GARS1: variants seen among roughly 807,000 people sequenced by gnomAD.
The protein encoded by GARS1 is glycine--tRNA ligase.
In GARS1, 46 loss-of-function variants were observed where a neutral mutation model predicts 86.4. That is an observed-to-expected ratio of 0.53 (90% CI 0.42 to 0.68). The LOEUF (loss-of-function observed/expected upper bound fraction) is 0.68, where lower values mean the gene tolerates loss of function less well. Among genes scored for constraint, GARS1 ranks in the 30% least tolerant of loss-of-function variants. The probability of loss-of-function intolerance (pLI) is 0.00; values close to 1 mark genes in which losing one functional copy is unlikely to be tolerated. For synonymous variants in GARS1, 342 were observed against 329.8 expected (o/e 1.04, Z -0.40); for missense variants, 797 against 915.6 (o/e 0.87, Z 1.67).
intron 12 of GARS1, among the ~76,000 whole-genome samples, chr7:30,625,082 A>T (rs1783100039): frequency 1.3e-5 from 2 of 152,128 alleles, no homozygotes; most frequent in Non-Finnish European, 2.9e-5. Flanking sequence ...AGCTGGGACT[A>T]CAGGTGTGCA....
intron 5 of GARS1, 30 bp downstream of exon 5, chr7:30,603,152 T>A (rs1791414623): frequency 1.3e-6 from 2 of 1,546,250 alleles, no homozygotes; most frequent in Non-Finnish European, 1.8e-6. Flanking sequence ...TCAGGTAGGA[T>A]TGATCAAAAT....
intron 14 of GARS1, among the ~76,000 whole-genome samples, chr7:30,629,395 C>T (rs1040667616): frequency 6.6e-6 from 1 of 152,140 alleles, no homozygotes; most frequent in South Asian, 2.1e-4. Context: ...TCCTCTTTAT[C>T]TCCTTGCCTT....
At chr7:30,619,881 G>A (rs756959200) in intron 10 of GARS1, among the ~76,000 whole-genome samples, 8 of 150,024 alleles carry the variant, frequency 5.3e-5, no homozygotes, top group East Asian at 2.0e-4. Flanking sequence ...GGGTTCAAGC[G>A]ATTCTCCTGC....
chr7:30,623,567 A>G (rs1783063068), intron 12 of GARS1, among the ~76,000 whole-genome samples: 1 of 152,216 alleles, frequency 6.6e-6, no homozygotes, highest in Admixed American at 6.5e-5. Context: ...CATAGAAAAA[A>G]ATGAGACTGG....
chr7:30,595,551 AC>A (rs1298369327), intron 1 of GARS1, among the ~76,000 whole-genome samples: 2 of 152,086 alleles, frequency 1.3e-5, no homozygotes, highest in African/African-American at 4.8e-5. Context: ...CTCTTTGTGC[AC>A]CCTGGGTGGA....
At position 30,609,597 on chromosome 7, in the gene GARS1, G is replaced by A; in HGVS notation, c.748G>A (p.Gly250Arg). 6.2e-7 allele frequency: 1 copy of A among 1,612,712 alleles called. No individual in the cohort carries two copies. The highest frequency in any genetic ancestry group is 8.5e-7 in the Non-Finnish European group (1 of 1,179,060). ...ESVLAQLDNY[G>R]QQELADLFVN... ...ATATGTCTTTTAGCTTGATAACTAT[G>A]GACAGCAAGAACTTGCGGATCTTTT... is the stretch of plus-strand genomic sequence containing the variant. Residue 250 changes from glycine to arginine, a missense_variant, in exon 7 of 17, where the codon GGA (glycine) becomes AGA (arginine). Around this residue, in one of 2 missense-constraint regions of GARS1, gnomAD observed 598 missense variants for 738.7 expected, o/e 0.81. Coordinates refer to ENST00000389266, the MANE Select transcript of GARS1 (RefSeq NM_002047.4).
At chr7:30,597,597 T>G (rs527563283) in intron 1 of GARS1, among the ~76,000 whole-genome samples, 54 of 152,176 alleles carry the variant, frequency 3.5e-4, no homozygotes, top group Non-Finnish European at 6.6e-4. Flanking sequence ...TAAAAACCCA[T>G]GAGGAAACAA....
chr7:30,598,767 C>T, intron 1 of GARS1, 29 bp from the exon 2 acceptor site: 1 of 1,559,478 alleles, frequency 6.4e-7, no homozygotes, highest in Non-Finnish European at 8.8e-7. Context: ...TGAAACCAAT[C>T]CTGAATATAA....
rs1415948102 is a variant in GARS1 at position 30,595,130 on chromosome 7, C to T, written c.209C>T (p.Ala70Val). 6.5e-7 allele frequency: 1 copy of T among 1,538,226 alleles called. No homozygotes were observed. Among genetic ancestry groups the T allele is most frequent in the South Asian group, 1.2e-5 (1 of 84,184 alleles). The stretch of plus-strand genomic sequence containing the variant: ...GAGGTGCTGGCACCTCTGAGGCTAG[C>T]AGTGCGCCAGCAGGTACCGGTGTTT... ...AEEVLAPLRL[A>V]VRQQGDLVRK... is the part of the protein sequence containing the mutation. The change falls in exon 1 of 17, where the codon GCA (alanine) becomes GTA (valine). Residue 70 changes from alanine to valine, a missense_variant. Ala to Val is a moderately conservative substitution (Grantham distance 64). This residue lies in a region of GARS1 where 199 missense variants were observed against 176.9 expected (regional missense o/e 1.12). Transcript: ENST00000389266.
At chr7:30,625,588 A>G (rs1783113460) in intron 12 of GARS1, among the ~76,000 whole-genome samples, 1 of 152,226 alleles carries the variant, frequency 6.6e-6, no homozygotes, top group Admixed American at 6.5e-5. Context: ...AAATACAGGT[A>G]TTACATGAAG....
chr7:30,618,587 T>C (rs1318152138), intron 10 of GARS1, among the ~76,000 whole-genome samples: 1 of 152,140 alleles, frequency 6.6e-6, no homozygotes, highest in African/African-American at 2.4e-5. Flanking sequence ...TGAGCCATGA[T>C]TGCACCACTG....
At chr7:30,609,816 GA>G in intron 7 of GARS1, 86 bp downstream of exon 7, 2 of 1,333,766 alleles carry the variant, frequency 1.5e-6, no homozygotes, top group Non-Finnish European at 2.1e-6. Flanking sequence ...TGTTATGAAG[GA>G]AAAATTTTTA....
chr7:30,609,497 A>G lies in GARS1; in HGVS notation c.736-88A>G, dbSNP rs913094165. 146 of 1,072,144 alleles carry G rather than the reference A, an allele frequency of 1.4e-4. 1 individual carries two copies. The Admixed American group carries it at 2.5e-3, about 18-fold the overall frequency. The allele number at this position is 1,072,144 out of a possible 1,614,324, so 66.4% of individuals were successfully genotyped here. A position where few individuals can be genotyped will look rare whatever the true frequency, so the allele number is the denominator to read the frequency against. On this transcript the variant is annotated intron_variant, in intron 6 of 16. Coordinates refer to ENST00000389266, the MANE Select transcript of GARS1 (RefSeq NM_002047.4). ...TTCCTGAATTTTGTGTGATTGTAGC[A>G]GTGGATGGCTAGGGTTATATATAAT...
chr7:30,631,495 C>A lies in GARS1; in HGVS notation c.1857C>A (p.Leu619=). ...AVVAPFKCSV[L]PLSQNQEFMP... ...TTGCTCCATTCAAATGTTCCGTCCT[C>A]CCACTGAGCCAAAACCAGGAGTTCA... The change falls in exon 15 of 17, where the codon CTC becomes CTA. Residue 619 remains leucine, a synonymous_variant. Coordinates refer to ENST00000389266, the MANE Select transcript of GARS1 (RefSeq NM_002047.4). 6.2e-7 allele frequency: 1 copy of A among 1,613,782 alleles called. No homozygotes were observed. The highest frequency in any genetic ancestry group is 8.5e-7 in the Non-Finnish European group (1 of 1,179,794).
intron 1 of GARS1, 35 bp downstream of exon 1, chr7:30,595,178 G>A (rs1478989626): frequency 6.6e-7 from 1 of 1,516,818 alleles, no homozygotes; most frequent in East Asian, 2.5e-5. Context: ...TAAGCCTCCG[G>A]CTCTCCTCCC....
intron 12 of GARS1, chr7:30,622,695 A>G: frequency 2.0e-6 from 1 of 501,586 alleles, no homozygotes; most frequent in Non-Finnish European, 3.6e-6. Context: ...AGACTTGTCC[A>G]GCCAGGCTGA....
chr7:30,605,994 C>T lies in GARS1; in HGVS notation c.735+2422C>T, dbSNP rs112606980. 6.9e-3 allele frequency among the ~76,000 whole-genome samples: 1,054 copies of T among 152,130 alleles called. 8 individuals carry two copies. The highest frequency in any genetic ancestry group is 0.014 in the Middle Eastern group (4 of 294). Reference sequence around the variant, plus strand: ...TATGGCCTTCCTTCATTCCCTTTTCCCTCCCCGCATTTTCATTAAAATTTT... The same window carrying T: ...TATGGCCTTCCTTCATTCCCTTTTCTCTCCCCGCATTTTCATTAAAATTTT... On this transcript the variant is annotated intron_variant, in intron 6 of 16. Transcript: ENST00000389266.
chr7:30,628,653 G>C lies in GARS1; in HGVS notation c.1793G>C (p.Gly598Ala), dbSNP rs766280100. Residue 598 changes from glycine (G) to alanine (A), a missense_variant, in exon 14 of 17, where the codon GGA (glycine) becomes GCA (alanine). Physicochemically the swap from Gly to Ala is moderately conservative, Grantham distance 60. This residue lies in a region of GARS1 where 598 missense variants were observed against 738.7 expected (regional missense o/e 0.81). Transcript: ENST00000389266. ...GAACATACATTCCATGTACGAGAAG[G>C]AGATGAACAGAGAACAGTAAGTTGT... Reference protein sequence around the residue: ...VFEHTFHVREGDEQRTFFSFP... With the variant: ...VFEHTFHVREADEQRTFFSFP... 16 of 1,606,790 alleles carry C rather than the reference G, an allele frequency of 1.0e-5. No homozygotes were observed. The highest frequency in any genetic ancestry group is 1.4e-5 in the Non-Finnish European group (16 of 1,173,522).
chr7:30,604,492 A>G (rs1364628901), intron 6 of GARS1, among the ~76,000 whole-genome samples: 1 of 152,070 alleles, frequency 6.6e-6, no homozygotes, highest in Non-Finnish European at 1.5e-5. Context: ...CATGGGAATT[A>G]CTGGATACTT....
Sources: allele counts gnomAD v4.1 joint callset (sites outside exome capture counted in the v4.1 genomes callset), GRCh38; gene constraint gnomAD v4.1.1; regional missense constraint gnomAD v4.1.1; transcripts MANE v1.5; gene names NCBI Gene and HGNC (gene_info 2026-07-23, HGNC 2026-07-21).